Variants in GRM8 observed in about 807,000 individuals in gnomAD.
The protein encoded by GRM8 is metabotropic glutamate receptor 8.
In GRM8, 47 loss-of-function variants were observed where a neutral mutation model predicts 87.2. That is an observed-to-expected ratio of 0.54 (90% CI 0.43 to 0.69). The LOEUF is 0.69. GRM8 is among the 30% of genes least tolerant of loss of function. GRM8 has a pLI of 0.00. For missense variants in GRM8, 1,019 were observed against 1,139.2 expected (o/e 0.89, Z 1.52); for synonymous variants, 396 against 404.5 (o/e 0.98, Z 0.25).
intron 2 of GRM8, among the ~76,000 whole-genome samples, chr7:127,175,718 C>T (rs924945117): frequency 6.6e-6 from 1 of 152,080 alleles, no homozygotes; most frequent in Non-Finnish European, 1.5e-5. Flanking sequence ...AAATCACCAA[C>T]CTGGAAATTC....
intron 7 of GRM8, among the ~76,000 whole-genome samples, chr7:126,675,430 T>C: frequency 6.6e-6 from 1 of 151,976 alleles, no homozygotes. Flanking sequence ...GGAAAGGAAA[T>C]AACAGCAAAA....
Position 127,123,411 on chromosome 7 carries a change from G to A in GRM8, c.511-16699C>T, listed in dbSNP as rs137953819. The stretch of plus-strand genomic sequence containing the variant: ...GGTTGGGGGAGTGAGTTCTCACTCT[G>A]TTAGTTCCCTCAATAGCTAGTTATT... On this transcript the variant is annotated intron_variant, in intron 2 of 10. Transcript: ENST00000339582. Among the ~76,000 whole-genome samples the A allele has an allele frequency of 1.5e-4, 23 of 152,170 alleles. No individual in the cohort carries two copies. In the Middle Eastern group the frequency reaches 0.017, roughly 113 times the overall value.
At chr7:126,493,275 G>A (rs1362893237) in intron 9 of GRM8, among the ~76,000 whole-genome samples, 1 of 152,044 alleles carries the variant, frequency 6.6e-6, no homozygotes, top group Non-Finnish European at 1.5e-5. Flanking sequence ...CTAACAGCAG[G>A]AGAGACTGGG....
At chr7:127,130,563 T>C (rs953646468) in intron 2 of GRM8, among the ~76,000 whole-genome samples, 1 of 152,176 alleles carries the variant, frequency 6.6e-6, no homozygotes, top group Admixed American at 6.5e-5. Flanking sequence ...CCTAGAGATA[T>C]GTGGAACTTT....
intron 8 of GRM8, among the ~76,000 whole-genome samples, chr7:126,542,776 T>C (rs1476350655): frequency 1.3e-5 from 2 of 152,210 alleles, no homozygotes; most frequent in African/African-American, 2.4e-5. Context: ...TATTATTTTT[T>C]AATTTTAGAG....
intron 7 of GRM8, among the ~76,000 whole-genome samples, chr7:126,617,042 C>T: frequency 6.6e-6 from 1 of 152,048 alleles, no homozygotes; most frequent in South Asian, 2.1e-4. Context: ...CAGCATTATC[C>T]TGATACCAAA....
chr7:127,045,531 A>T (rs1026012405), intron 3 of GRM8, among the ~76,000 whole-genome samples: 2 of 152,184 alleles, frequency 1.3e-5, no homozygotes, highest in Admixed American at 1.3e-4. Context: ...TGTATTCTAC[A>T]TACAGTCATA....
chr7:126,510,942 C>T (rs143082787), intron 9 of GRM8, among the ~76,000 whole-genome samples: 102 of 152,190 alleles, frequency 6.7e-4, no homozygotes, highest in African/African-American at 2.2e-3. Flanking sequence ...TAATCAGTGG[C>T]CTTGGACTCA....
At chr7:127,073,579 A>G (rs1563479075) in intron 3 of GRM8, among the ~76,000 whole-genome samples, 1 of 152,116 alleles carries the variant, frequency 6.6e-6, no homozygotes, top group Non-Finnish European at 1.5e-5. Context: ...GGGAATGATT[A>G]TTATTTTGTC....
intron 2 of GRM8, among the ~76,000 whole-genome samples, chr7:127,130,414 C>A (rs1563532349): frequency 6.6e-6 from 1 of 152,032 alleles, no homozygotes; most frequent in African/African-American, 2.4e-5. Context: ...ATGGTTTTGA[C>A]AAAAATGCTG....
intron 2 of GRM8, among the ~76,000 whole-genome samples, chr7:127,144,230 A>T (rs1828432285): frequency 6.6e-6 from 1 of 152,144 alleles, no homozygotes. Context: ...TCCACTAGAC[A>T]TTAAAGTCAT....
chr7:126,548,850 G>A (rs555120840), intron 8 of GRM8, among the ~76,000 whole-genome samples: 2 of 152,242 alleles, frequency 1.3e-5, no homozygotes, highest in East Asian at 3.9e-4. Context: ...TGCCATCTTC[G>A]AAACGAGCTT....
intron 7 of GRM8, among the ~76,000 whole-genome samples, chr7:126,705,738 T>C (rs1810440862): frequency 2.0e-5 from 3 of 152,182 alleles, no homozygotes; most frequent in South Asian, 4.1e-4. Context: ...TTTTTCACTG[T>C]TGGAAAACAT....
intron 3 of GRM8, among the ~76,000 whole-genome samples, chr7:127,031,985 G>T (rs2082352433): frequency 6.6e-6 from 1 of 152,036 alleles, no homozygotes; most frequent in Non-Finnish European, 1.5e-5. Context: ...ATATTCATAT[G>T]TCTTGTCCTC....
intron 7 of GRM8, among the ~76,000 whole-genome samples, chr7:126,638,830 G>T (rs2151196776): frequency 6.6e-6 from 1 of 152,286 alleles, no homozygotes; most frequent in Admixed American, 6.5e-5. Context: ...TACTATACCA[G>T]GTTCTTCACC....
intron 6 of GRM8, among the ~76,000 whole-genome samples, chr7:126,832,071 T>G (rs1367993187): frequency 2.0e-5 from 3 of 151,626 alleles, no homozygotes; most frequent in Non-Finnish European, 2.9e-5. Context: ...GTGTACCTAC[T>G]ATGTGCCAAA....
In GRM8 at chr7:126,892,658, G is replaced by A. The variant is rs187167859; in HGVS notation, c.1156+9884C>T. 9.6e-3 allele frequency among the ~76,000 whole-genome samples: 1,458 copies of A among 152,152 alleles called. 16 individuals carry two copies. The highest frequency in any genetic ancestry group is 0.015 in the Non-Finnish European group (988 of 67,994). On this transcript the variant is annotated intron_variant, in intron 6 of 10. Transcript: ENST00000339582. ...GTCCTTTGGGTATATACCCAGTAAT[G>A]GGTTGGCTGGGTCAAATGGTATTTC... is the stretch of plus-strand genomic sequence containing the variant.
At chr7:127,005,873 G>C (rs1814236604) in intron 3 of GRM8, among the ~76,000 whole-genome samples, 1 of 151,784 alleles carries the variant, frequency 6.6e-6, no homozygotes, top group African/African-American at 2.4e-5. Context: ...AGAATTTTAA[G>C]AAATGCCTTC....
At chr7:127,044,879 G>A (rs1162064722) in intron 3 of GRM8, among the ~76,000 whole-genome samples, 1 of 152,084 alleles carries the variant, frequency 6.6e-6, no homozygotes, top group Non-Finnish European at 1.5e-5. Context: ...GGAAAATATA[G>A]CAAAACCTAC....
Sources: gnomAD v4.1 joint callset for allele counts (sites outside exome capture counted in the v4.1 genomes callset) on GRCh38, gnomAD v4.1.1 for gene constraint, MANE v1.5 for transcripts, NCBI Gene and HGNC (gene_info 2026-07-23, HGNC 2026-07-21) for gene names.